SLC35F4: variants seen among roughly 807,000 people sequenced by gnomAD.
The protein encoded by SLC35F4 is chromosome 14 open reading frame 36.
SLC35F4 carries 24 observed loss-of-function variants against 44.2 expected under a neutral mutation model. The observed-to-expected ratio is 0.54, with a 90% CI of 0.39 to 0.76. SLC35F4 has a LOEUF of 0.76. Ranked by LOEUF, SLC35F4 falls within the 30% of genes least tolerant of loss-of-function variation. The pLI, the probability that SLC35F4 is intolerant of heterozygous loss-of-function variation, is 0.00. For synonymous variants in SLC35F4, 238 were observed against 223.6 expected, an observed-to-expected ratio of 1.06 and a Z score of -0.57; for missense variants, 562 against 586.1, an observed-to-expected ratio of 0.96 and a Z score of 0.42.
intron 1 of SLC35F4, among the ~76,000 whole-genome samples, chr14:57,849,202 C>T (rs2010213): frequency 0.15 from 23,017 of 152,146 alleles, 1,847 homozygotes; most frequent in East Asian, 0.22. Context: ...TTGTTGTTGC[C>T]CAGGCTGGAG....
At chr14:57,666,826 T>C (rs1042858790) in intron 1 of SLC35F4, among the ~76,000 whole-genome samples, 7 of 152,042 alleles carry the variant, frequency 4.6e-5, no homozygotes, top group South Asian at 4.1e-4. Flanking sequence ...GGGGACCTAG[T>C]AGGCATGTGA....
intron 1 of SLC35F4, among the ~76,000 whole-genome samples, chr14:57,659,651 C>T (rs2074074992): frequency 6.6e-6 from 1 of 152,088 alleles, no homozygotes; most frequent in African/African-American, 2.4e-5. Flanking sequence ...ATGATGTGGT[C>T]CCAGAGCCCA....
At chr14:57,804,562 G>T (rs1881069550) in intron 1 of SLC35F4, among the ~76,000 whole-genome samples, 1 of 152,148 alleles carries the variant, frequency 6.6e-6, no homozygotes, top group Admixed American at 6.6e-5. Flanking sequence ...GAGCTGGCTG[G>T]CCATATGCAG....
In SLC35F4 at chr14:57,837,357, C is replaced by T. The variant is rs370188800; in HGVS notation, c.103+28366G>A. 8.3e-4 allele frequency: 127 copies of T among 152,270 alleles called. 1 individual carries two copies. Among genetic ancestry groups the T allele is most frequent in the African/African-American group, 2.9e-3 (119 of 41,564 alleles). 9.4% of individuals were successfully genotyped at this position (152,270 alleles called of 1,614,324 possible). On this transcript the variant is annotated intron_variant, in intron 1 of 7. Transcript: ENST00000556826. ...GCAGAAGGGAGGTATGATGGAGAAA[C>T]GGACAACCTGTATGTCCCACAACTT...
intron 1 of SLC35F4, among the ~76,000 whole-genome samples, chr14:57,819,100 C>T (rs1474738015): frequency 6.6e-6 from 1 of 152,054 alleles, no homozygotes; most frequent in East Asian, 1.9e-4. Context: ...TCCTTGATTA[C>T]ACATAATATG....
At chr14:57,663,356 C>T (rs2074200019) in intron 1 of SLC35F4, among the ~76,000 whole-genome samples, 1 of 152,114 alleles carries the variant, frequency 6.6e-6, no homozygotes, top group South Asian at 2.1e-4. Context: ...TTCCAAGTGC[C>T]AATCAGCATT....
intron 1 of SLC35F4, among the ~76,000 whole-genome samples, chr14:57,765,969 A>G (rs1246527105): frequency 6.6e-6 from 1 of 152,202 alleles, no homozygotes. Flanking sequence ...GAGGAGAGGT[A>G]TCAGTAAGAG....
At chr14:57,954,948 TA>T (rs35919238) in intron 1 of SLC35F4, among the ~76,000 whole-genome samples, 2,307 of 107,054 alleles carry the variant, frequency 0.022, 47 homozygotes, top group African/African-American at 0.051. Context: ...TCATCCTGAT[TA>T]AAAAAAAAAA....
At chr14:57,980,459 T>C (rs1039564508) in intron 1 of SLC35F4, among the ~76,000 whole-genome samples, 1 of 152,152 alleles carries the variant, frequency 6.6e-6, no homozygotes, top group Non-Finnish European at 1.5e-5. Flanking sequence ...TGTTAGTGTG[T>C]TCCATCCTTC....
chr14:57,619,757 C>T (rs1005341399), intron 1 of SLC35F4, among the ~76,000 whole-genome samples: 4 of 152,054 alleles, frequency 2.6e-5, no homozygotes, highest in Non-Finnish European at 5.9e-5. Flanking sequence ...GCTAAAGGAG[C>T]ATGTTCTAAT....
At chr14:57,683,351 A>G (rs898083374) in intron 1 of SLC35F4, among the ~76,000 whole-genome samples, 25 of 152,244 alleles carry the variant, frequency 1.6e-4, no homozygotes, top group African/African-American at 5.3e-4. Flanking sequence ...ACAAGTTAAG[A>G]AAAATGCAAT....
At chr14:57,829,437 T>C (rs946399698) in intron 1 of SLC35F4, among the ~76,000 whole-genome samples, 1 of 152,172 alleles carries the variant, frequency 6.6e-6, no homozygotes, top group Non-Finnish European at 1.5e-5. Context: ...AAACATAGTT[T>C]GCTACCACTG....
At position 57,908,574 on chromosome 14, in the gene SLC35F4, A is replaced by G. The variant is rs181771444; in HGVS notation, n.282+73339T>C. Reference sequence around the variant, plus strand: ...TTTTTTTCATATGTTTGTTGGTGGCATAAGTGTCTTCTTTTGGTAAGTGCC... The same window carrying G: ...TTTTTTTCATATGTTTGTTGGTGGCGTAAGTGTCTTCTTTTGGTAAGTGCC... On this transcript the variant is annotated intron_variant and non_coding_transcript_variant, in intron 1 of 1. Coordinates refer to the SLC35F4 transcript ENST00000556568. 2.1e-3 allele frequency among the ~76,000 whole-genome samples: 313 copies of G among 152,250 alleles called. 1 individual carries two copies. The highest frequency in any genetic ancestry group is 3.0e-3 in the Non-Finnish European group (205 of 68,020).
At chr14:57,682,863 C>A (rs2074951110) in intron 1 of SLC35F4, among the ~76,000 whole-genome samples, 1 of 151,978 alleles carries the variant, frequency 6.6e-6, no homozygotes, top group South Asian at 2.1e-4. Flanking sequence ...ATAATAATAT[C>A]TATTAAATTA....
chr14:57,803,746 T>A (rs573155133), intron 1 of SLC35F4, among the ~76,000 whole-genome samples: 3 of 151,902 alleles, frequency 2.0e-5, no homozygotes, highest in African/African-American at 7.3e-5. Context: ...CTTGACACCG[T>A]GCTTGGCTAA....
rs1950992 is a variant in SLC35F4, at chr14:57,782,547, G to A, written c.103+83176C>T. Among the ~76,000 whole-genome samples, 1,948 of 152,272 alleles carry A rather than the reference G, an allele frequency of 0.013. 247 individuals are homozygous for A. In the East Asian group the frequency reaches 0.31, roughly 24 times the overall value. ...TACATGGTGGTGTTTGCAGTTAAGA[G>A]CATGTAAATAAAGACAGAGCATTAA... is the stretch of plus-strand genomic sequence containing the variant. On this transcript the variant is annotated intron_variant, in intron 1 of 7. Transcript: ENST00000556826.
chr14:57,722,406 C>A (rs1350611937), intron 1 of SLC35F4, among the ~76,000 whole-genome samples: 1 of 152,126 alleles, frequency 6.6e-6, no homozygotes, highest in African/African-American at 2.4e-5. Context: ...ACCTACTCAT[C>A]CCAGCTGGGA....
At chr14:57,835,311 T>C (rs1227200661) in intron 1 of SLC35F4, among the ~76,000 whole-genome samples, 2 of 152,224 alleles carry the variant, frequency 1.3e-5, no homozygotes, top group African/African-American at 4.8e-5. Context: ...GTTCACAAGC[T>C]GTGGTGAAGC....
chr14:57,845,531 G>A (rs372766395), intron 1 of SLC35F4, among the ~76,000 whole-genome samples: 14 of 152,146 alleles, frequency 9.2e-5, no homozygotes, highest in African/African-American at 3.4e-4. Context: ...AACAATTCAG[G>A]CTTACATTGG....
Sources: allele counts gnomAD v4.1 joint callset (sites outside exome capture counted in the v4.1 genomes callset), GRCh38; gene constraint gnomAD v4.1.1; transcripts MANE v1.5; gene names NCBI Gene and HGNC (gene_info 2026-07-23, HGNC 2026-07-21).